The following AMOTL1 variants were observed in gnomAD, a reference collection of about 807,000 sequenced individuals.
AMOTL1 encodes the protein angiomotin-like protein 1.
In AMOTL1, 45 loss-of-function variants were observed where a neutral mutation model predicts 102.9. The ratio of observed to expected loss-of-function variants is 0.44; its 90% CI spans 0.34 to 0.56. The LOEUF (loss-of-function observed/expected upper bound fraction) is 0.56, where lower values mean the gene tolerates loss of function less well. AMOTL1 is among the 20% of genes least tolerant of loss of function. AMOTL1 has a pLI of 0.01. For missense variants in AMOTL1, 1,114 were observed against 1,225.6 expected (o/e 0.91, Z 1.36); for synonymous variants, 481 against 484.7 (o/e 0.99, Z 0.10).
Position 94,873,243 on chromosome 11 carries a change from CG to C in AMOTL1, c.*2450del, listed in dbSNP as rs1565392824. 1 of 152,200 alleles carries C rather than the reference CG, an allele frequency of 6.6e-6. No homozygotes were observed. The highest frequency in any genetic ancestry group is 2.4e-5 in the African/African-American group (1 of 41,442). The allele number at this position is 152,200 out of a possible 1,614,324, so 9.4% of individuals were successfully genotyped here. On this transcript the variant is annotated 3_prime_UTR_variant, in exon 13 of 13. Transcript: ENST00000433060. ...ACATCGCCATGTTTCAGGGCTTCAA[CG>C]GCATTGTATTTTGGACTTTGACCGT...
chr11:94,861,031 C>G (rs1463474073), intron 9 of AMOTL1, among the ~76,000 whole-genome samples: 3 of 152,164 alleles, frequency 2.0e-5, no homozygotes, highest in Non-Finnish European at 4.4e-5. Context: ...GGTGCCACAG[C>G]ACACTTGCAC....
intron 7 of AMOTL1, among the ~76,000 whole-genome samples, chr11:94,850,675 AG>A (rs1952517298): frequency 6.6e-6 from 1 of 152,226 alleles, no homozygotes; most frequent in Non-Finnish European, 1.5e-5. Flanking sequence ...CAAGGAATCC[AG>A]GCTATAGATG....
upstream of AMOTL1, among the ~76,000 whole-genome samples, chr11:94,766,163 G>A (rs1950852572): frequency 5.3e-5 from 8 of 152,214 alleles, no homozygotes; most frequent in South Asian, 1.7e-3. Context: ...ATGACATCTG[G>A]TATCTCCAAA....
At chr11:94,728,395 G>A (rs1309040680) in intron 1 of AMOTL1, among the ~76,000 whole-genome samples, 2 of 152,132 alleles carry the variant, frequency 1.3e-5, no homozygotes, top group East Asian at 3.9e-4. Context: ...TCTTGGCTCT[G>A]AAGTGTTCTT....
rs1158841548 is a variant in AMOTL1 at position 94,871,599 on chromosome 11, G to A, written c.*804G>A. The A allele has an allele frequency of 2.0e-5, 3 of 152,056 alleles. No individual in the cohort carries two copies. Among genetic ancestry groups the A allele is most frequent in the Non-Finnish European group, 2.9e-5 (2 of 68,022 alleles). 9.4% of individuals were successfully genotyped at this position (152,056 alleles called of 1,614,324 possible). On this transcript the variant is annotated 3_prime_UTR_variant, in exon 13 of 13. Transcript: ENST00000433060. The stretch of plus-strand genomic sequence containing the variant: ...TACCTGAACTGTCATCATTCCTACT[G>A]TGTTTGATAGTGACCAGTAGGACAA...
At chr11:94,774,381 GGAGGA>G (rs1950994932) in intron 1 of AMOTL1, among the ~76,000 whole-genome samples, 1 of 152,202 alleles carries the variant, frequency 6.6e-6, no homozygotes, top group Non-Finnish European at 1.5e-5. Flanking sequence ...ACAGGAGGCA[GGAGGA>G]GGTGGGTCTG....
chr11:94,817,591 T>C (rs1384930841), intron 3 of AMOTL1, among the ~76,000 whole-genome samples: 1 of 152,228 alleles, frequency 6.6e-6, no homozygotes. Context: ...GATTCTGATA[T>C]AAAATTGTAT....
intron 1 of AMOTL1, among the ~76,000 whole-genome samples, chr11:94,784,557 A>T (rs1433855480): frequency 2.0e-5 from 3 of 152,226 alleles, no homozygotes; most frequent in Non-Finnish European, 4.4e-5. Flanking sequence ...TATTCTTCAC[A>T]TTACTAAAGG....
chr11:94,856,728 A>T (rs918700681), intron 8 of AMOTL1, among the ~76,000 whole-genome samples: 1 of 152,210 alleles, frequency 6.6e-6, no homozygotes. Context: ...CTGGGGTCAC[A>T]CTGTCACAAA....
At chr11:94,831,629 T>G in intron 6 of AMOTL1, 88 bp downstream of exon 6, 101 of 1,152,134 alleles carry the variant, frequency 8.8e-5, no homozygotes, top group Non-Finnish European at 1.1e-4. Flanking sequence ...CAAGTGGGTT[T>G]TGTGCTGTTT....
In AMOTL1 at chr11:94,731,978, C is replaced by A. The variant is rs371012964; in HGVS notation, c.85+2923C>A. On this transcript the variant is annotated intron_variant, in intron 2 of 4. Coordinates refer to the AMOTL1 transcript ENST00000299004. ...CTGTTGTAACATGTGCATTCTCATC[C>A]AAGCTCACAGCAGGGCTCTCCCCTA... Among the ~76,000 whole-genome samples the A allele has an allele frequency of 7.2e-5, 11 of 152,330 alleles. 1 individual carries two copies. The highest frequency in any genetic ancestry group is 2.4e-4 in the African/African-American group (10 of 41,570).
At chr11:94,735,609 C>A (rs1208553292) in intron 2 of AMOTL1, among the ~76,000 whole-genome samples, 1 of 152,092 alleles carries the variant, frequency 6.6e-6, no homozygotes, top group Non-Finnish European at 1.5e-5. Context: ...GGGAGTGGAG[C>A]AAAATTTCAT....
At chr11:94,790,081 G>A (rs965072351) in intron 1 of AMOTL1, among the ~76,000 whole-genome samples, 18 of 152,130 alleles carry the variant, frequency 1.2e-4, no homozygotes, top group African/African-American at 4.3e-4. Flanking sequence ...GAGCTGAAAG[G>A]TACAAGGAAT....
At position 94,830,118 on chromosome 11, in the gene AMOTL1, A is replaced by G. The variant is rs377164796; in HGVS notation, c.1482A>G (p.Glu494=). ...TGGTCAAGTCTACCACCAAGCGAGA[A>G]TCGCTGGACAAGGCCATGAGAAACA... ...ESLVKSTTKR[E]SLDKAMRNKL... is the part of the protein sequence containing the mutation. The change falls in exon 5 of 13, where the codon GAA becomes GAG. Residue 494 remains glutamate (E), a synonymous_variant. Transcript: ENST00000433060. 186 of 1,611,014 alleles carry G rather than the reference A, an allele frequency of 1.2e-4. No individual in the cohort carries two copies. Among genetic ancestry groups the G allele is most frequent in the Middle Eastern group, 6.6e-4 (4 of 6,062 alleles).
At chr11:94,850,035 T>A in intron 6 of AMOTL1, 79 bp from the exon 7 acceptor site, 1 of 1,434,152 alleles carries the variant, frequency 7.0e-7, no homozygotes, top group East Asian at 2.5e-5. Flanking sequence ...TTTTAATCCT[T>A]GCCAGATGTC....
At position 94,840,689 on chromosome 11, in the gene AMOTL1, C is replaced by T. The variant is rs891727650; in HGVS notation, c.1648+9148C>T. Among the ~76,000 whole-genome samples, 1,096 of 138,486 alleles carry T rather than the reference C, an allele frequency of 7.9e-3. 12 individuals are homozygous for T. The highest frequency in any genetic ancestry group is 0.031 in the African/African-American group (1,029 of 33,318). 90.9% of individuals were successfully genotyped at this position (138,486 alleles called of 152,430 possible). ...ATATATATATATATATATACACACA[C>T]ACACACACACACACACACATATATA... On this transcript the variant is annotated intron_variant, in intron 6 of 12. Coordinates refer to ENST00000433060, the MANE Select transcript of AMOTL1 (RefSeq NM_130847.3).
intron 4 of AMOTL1, among the ~76,000 whole-genome samples, chr11:94,825,249 C>G (rs1951940665): frequency 6.6e-6 from 1 of 152,210 alleles, no homozygotes; most frequent in Non-Finnish European, 1.5e-5. Flanking sequence ...ACAGTTACCC[C>G]AGGCTTGCTT....
intron 9 of AMOTL1, among the ~76,000 whole-genome samples, chr11:94,863,595 A>C (rs546100437): frequency 3.3e-5 from 5 of 152,214 alleles, no homozygotes; most frequent in African/African-American, 1.2e-4. Context: ...TCCATCTCAA[A>C]AAAAAAAAAG....
chr11:94,730,376 T>C (rs578162405), intron 2 of AMOTL1, among the ~76,000 whole-genome samples: 1 of 152,306 alleles, frequency 6.6e-6, no homozygotes, highest in East Asian at 1.9e-4. Flanking sequence ...CAGTTCCTAC[T>C]CATCTTTGAA....
Sources: allele counts gnomAD v4.1 joint callset (sites outside exome capture counted in the v4.1 genomes callset), GRCh38; gene constraint gnomAD v4.1.1; transcripts MANE v1.5; gene names NCBI Gene and HGNC (gene_info 2026-07-23, HGNC 2026-07-21).